The following EHMT1 variants were observed in gnomAD, a reference collection of about 807,000 sequenced individuals.
EHMT1 encodes the protein histone-lysine N-methyltransferase EHMT1.
In EHMT1, 15 loss-of-function variants were observed where a neutral mutation model predicts 147.2. That is an observed-to-expected ratio of 0.10 (90% confidence interval 0.07 to 0.16). EHMT1 has a LOEUF of 0.16. Among genes scored for constraint, EHMT1 ranks in the 10% least tolerant of loss-of-function variants. The pLI, the probability that EHMT1 is intolerant of heterozygous loss-of-function variation, is 1.00. For synonymous variants in EHMT1, 795 were observed against 709.6 expected (o/e 1.12, Z -1.91); for missense variants, 1,587 against 1,772.4 (o/e 0.90, Z 1.88).
chr9:137,738,194 A>C (rs1183401904), intron 4 of EHMT1, among the ~76,000 whole-genome samples: 1 of 150,894 alleles, frequency 6.6e-6, no homozygotes, highest in African/African-American at 2.5e-5. Flanking sequence ...ACTCTGTCTC[A>C]AAAAAAACAA....
intron 3 of EHMT1, among the ~76,000 whole-genome samples, chr9:137,722,095 C>T (rs138503820): frequency 2.6e-5 from 4 of 151,834 alleles, no homozygotes; most frequent in African/African-American, 2.4e-5. Flanking sequence ...CTGTGGATGG[C>T]GCCCCAGTCA....
Position 137,732,851 on chromosome 9 carries a change from CAAAG to C in EHMT1, c.823+4327_823+4330del, listed in dbSNP as rs1161538534. On this transcript the variant is annotated intron_variant, in intron 4 of 26. Coordinates refer to ENST00000460843, the MANE Select transcript of EHMT1 (RefSeq NM_024757.5). This position sits in a 1 kb window ranked among gnomAD's most constrained non-coding sequence, Gnocchi z 4.6. ...GGGAGGGGTGTTGGAGCCAGGTTAT[CAAAG>C]AAAGGCTGAGATTTCTTGTCACGTC... Among the ~76,000 whole-genome samples the C allele has an allele frequency of 6.6e-6, 1 of 152,176 alleles. No homozygotes were observed. Among genetic ancestry groups the C allele is most frequent in the African/African-American group, 2.4e-5 (1 of 41,430 alleles).
At chr9:137,761,293 T>G (rs559002954) in intron 9 of EHMT1, among the ~76,000 whole-genome samples, 1 of 152,382 alleles carries the variant, frequency 6.6e-6, no homozygotes, top group South Asian at 2.1e-4. Context: ...TTTTCTTTAC[T>G]ATAGGCATTT....
At chr9:137,673,273 C>G (rs758012392) in intron 1 of EHMT1, among the ~76,000 whole-genome samples, 11 of 152,172 alleles carry the variant, frequency 7.2e-5, no homozygotes, top group Non-Finnish European at 1.0e-4. Flanking sequence ...GACCAAGTCC[C>G]CAGGGGTTTG....
chr9:137,742,290 TG>T (rs1554858063), intron 4 of EHMT1, among the ~76,000 whole-genome samples: 1 of 4,510 alleles, frequency 2.2e-4, no homozygotes, highest in East Asian at 8.8e-3. Flanking sequence ...GAACCAAATT[TG>T]TGTGTGTGTG....
At chr9:137,670,673 A>T (rs1048574877) in intron 1 of EHMT1, among the ~76,000 whole-genome samples, 1 of 152,136 alleles carries the variant, frequency 6.6e-6, no homozygotes, top group Non-Finnish European at 1.5e-5. Flanking sequence ...ATATCAGCCC[A>T]GGGAACCAGT....
rs901519607 is a variant in EHMT1, at chr9:137,637,128, A to G, written c.21+18079A>G. On this transcript the variant is annotated intron_variant, in intron 1 of 26. Coordinates refer to ENST00000460843, the MANE Select transcript of EHMT1 (RefSeq NM_024757.5). Reference sequence around the variant, plus strand: ...TAGTCAGGATGGTCTCGATCTCCTGACCTCGTGATCTGCCCGTCTCCACCT... The same window carrying G: ...TAGTCAGGATGGTCTCGATCTCCTGGCCTCGTGATCTGCCCGTCTCCACCT... 4.6e-5 allele frequency among the ~76,000 whole-genome samples: 7 copies of G among 150,710 alleles called. No individual in the cohort carries two copies. In the East Asian group the frequency reaches 1.2e-3, roughly 25 times the overall value.
chr9:137,645,446 T>C (rs996091760), intron 1 of EHMT1, among the ~76,000 whole-genome samples: 3 of 152,248 alleles, frequency 2.0e-5, no homozygotes, highest in African/African-American at 7.2e-5. Context: ...GCTTCTGCAC[T>C]GGGAGCCACA....
chr9:137,711,596 T>A (rs1261359113), intron 2 of EHMT1, among the ~76,000 whole-genome samples: 1 of 151,746 alleles, frequency 6.6e-6, no homozygotes, highest in Non-Finnish European at 1.5e-5. Flanking sequence ...GAGGGAGTGG[T>A]GTGGAAGCAA....
rs1285531262 is a variant in EHMT1 at position 137,619,017 on chromosome 9, C to T, written c.-12C>T. ...GCGCGGGAGGGGCGGGGCCACGCTG[C>T]GGGCCCGGGCCATGGCCGCCGCCGA... On this transcript the variant is annotated 5_prime_UTR_variant, in exon 1 of 27. Coordinates refer to ENST00000460843, the MANE Select transcript of EHMT1 (RefSeq NM_024757.5). 3.1e-6 allele frequency: 3 copies of T among 971,572 alleles called. No homozygotes were observed. The highest frequency in any genetic ancestry group is 3.7e-6 in the Non-Finnish European group (3 of 819,034). The allele number at this position is 971,572 out of a possible 1,614,324, so 60.2% of individuals were successfully genotyped here.
At chr9:137,774,207 A>G (rs2136619750) in intron 10 of EHMT1, among the ~76,000 whole-genome samples, 1 of 152,338 alleles carries the variant, frequency 6.6e-6, no homozygotes, top group Non-Finnish European at 1.5e-5. Flanking sequence ...TTTCCTGGAT[A>G]CCCAGCCCAG....
intron 1 of EHMT1, among the ~76,000 whole-genome samples, chr9:137,670,959 G>A (rs1414694196): frequency 6.6e-6 from 1 of 152,154 alleles, no homozygotes; most frequent in Non-Finnish European, 1.5e-5. Context: ...GTGGGTCTTG[G>A]CTTGGCTTTG....
chr9:137,749,793 T>C (rs1362982032), intron 6 of EHMT1, among the ~76,000 whole-genome samples: 2 of 152,246 alleles, frequency 1.3e-5, no homozygotes, highest in African/African-American at 2.4e-5. Context: ...GGTGTTAGTC[T>C]GCTGTTAATT....
intron 17 of EHMT1, 32 bp downstream of exon 17, chr9:137,798,946 T>G (rs943222684): frequency 6.5e-6 from 10 of 1,527,256 alleles, no homozygotes; most frequent in East Asian, 2.3e-5. Flanking sequence ...AGCAGTACAC[T>G]GTGTGGACTG....
intron 4 of EHMT1, among the ~76,000 whole-genome samples, chr9:137,738,304 A>C (rs1214839756): frequency 1.3e-5 from 2 of 152,190 alleles, no homozygotes; most frequent in Admixed American, 1.3e-4. Context: ...GCCCATGAAA[A>C]GATGCTCAAC....
At chr9:137,647,280 G>A (rs919766146) in intron 1 of EHMT1, among the ~76,000 whole-genome samples, 2 of 152,084 alleles carry the variant, frequency 1.3e-5, no homozygotes, top group African/African-American at 4.8e-5. Flanking sequence ...CCTCTTTGCT[G>A]TGGCTCCAGG....
chr9:137,739,659 T>G (rs990449707), intron 4 of EHMT1, among the ~76,000 whole-genome samples: 2 of 152,248 alleles, frequency 1.3e-5, no homozygotes, highest in Non-Finnish European at 2.9e-5. Context: ...GGGTTCATTG[T>G]CCACACTTGG....
In EHMT1 at chr9:137,795,400, T is replaced by TACACACACACACACACACAC. The variant is rs1182269131; in HGVS notation, c.2506-3413_2506-3412insACACACACACACACACACAC. 2.6e-4 allele frequency among the ~76,000 whole-genome samples: 5 copies of TACACACACACACACACACAC among 19,090 alleles called. No homozygotes were observed. The East Asian group carries it at 0.018, about 70-fold the overall frequency. 12.5% of individuals were successfully genotyped at this position (19,090 alleles called of 152,430 possible). A position where few individuals can be genotyped will look rare whatever the true frequency, so the allele number is the denominator to read the frequency against. On this transcript the variant is annotated intron_variant, in intron 16 of 26. Coordinates refer to ENST00000460843, the MANE Select transcript of EHMT1 (RefSeq NM_024757.5). ...GCCAGGACACCATCCTATCGCAGGG[T>TACACACACACACACACACAC]GCACACACACACACACACACACACA...
At chr9:137,808,105 A>G (rs1407929756) in intron 18 of EHMT1, among the ~76,000 whole-genome samples, 2 of 152,182 alleles carry the variant, frequency 1.3e-5, no homozygotes, top group African/African-American at 2.4e-5. Flanking sequence ...CCACCGAGGC[A>G]GGTCCGTCCA....
Sources: gnomAD v4.1 joint callset for allele counts (sites outside exome capture counted in the v4.1 genomes callset) on GRCh38, gnomAD v4.1.1 for gene constraint, Gnocchi (gnomAD v3.1) non-coding constraint, MANE v1.5 for transcripts, NCBI Gene and HGNC (gene_info 2026-07-23, HGNC 2026-07-21) for gene names.